MIS18A: variants seen among roughly 807,000 people sequenced by gnomAD.
MIS18A encodes MIS18 kinetochore protein A, also known as protein Mis18-alpha.
A neutral mutation model predicts 25.0 loss-of-function variants in MIS18A; 14 were observed. The observed-to-expected ratio is 0.56, with a 90% CI of 0.37 to 0.88. The LOEUF is 0.88. MIS18A is among the 40% of genes least tolerant of loss of function. MIS18A has a pLI of 0.00. For synonymous variants in MIS18A, 134 were observed against 118.6 expected (o/e 1.13, Z -0.84); for missense variants, 292 against 290.8 (o/e 1.00, Z -0.03).
the MIS18A span, among the ~76,000 whole-genome samples, chr21:32,221,504 C>T: frequency 1.3e-5 from 2 of 152,014 alleles, no homozygotes; most frequent in East Asian, 1.9e-4. Context: ...AAGGAAAAAC[C>T]GGTACCAGCC....
chr21:32,222,934 CAAAAAAAAA>C, the MIS18A span, among the ~76,000 whole-genome samples: 1 of 65,914 alleles, frequency 1.5e-5, no homozygotes, highest in Non-Finnish European at 3.4e-5. Context: ...GACTCCGTCT[CAAAAAAAAA>C]AAAAAAAAAA....
chr21:32,196,497 G>A, the MIS18A span, among the ~76,000 whole-genome samples: 1 of 136,930 alleles, frequency 7.3e-6, no homozygotes, highest in Non-Finnish European at 1.5e-5. Context: ...GTCTCTCTCT[G>A]TTGCCCAGGC....
chr21:32,222,758 G>A, the MIS18A span, among the ~76,000 whole-genome samples: 1 of 138,956 alleles, frequency 7.2e-6, no homozygotes, highest in Non-Finnish European at 1.6e-5. Flanking sequence ...GGTGAAACCT[G>A]TCTCTAATAA....
At chr21:32,263,270 G>GA (rs1268472218), downstream of MIS18A, among the ~76,000 whole-genome samples, 4 of 152,160 alleles carry the variant, frequency 2.6e-5, no homozygotes, top group African/African-American at 9.7e-5. Flanking sequence ...TTTTCTCCAG[G>GA]AGAGGTGGAG....
chr21:32,241,856 A>G, the MIS18A span, among the ~76,000 whole-genome samples: 2 of 151,868 alleles, frequency 1.3e-5, no homozygotes, highest in Admixed American at 1.3e-4. Context: ...ACAATTTCAT[A>G]CCAGAAAGGA....
chr21:32,272,563 C>T (rs549640656), intron 2 of MIS18A, among the ~76,000 whole-genome samples: 2 of 152,286 alleles, frequency 1.3e-5, no homozygotes, highest in African/African-American at 4.8e-5. Context: ...GTCTCATAGT[C>T]GCAAATCTTT....
the MIS18A span, among the ~76,000 whole-genome samples, chr21:32,154,920 G>T: frequency 6.6e-6 from 1 of 152,110 alleles, no homozygotes; most frequent in South Asian, 2.1e-4. Flanking sequence ...AAACCAAAAG[G>T]CAAAGTTGCA....
At chr21:32,230,841 C>T in the MIS18A span, among the ~76,000 whole-genome samples, 40 of 152,286 alleles carry the variant, frequency 2.6e-4, no homozygotes, top group Middle Eastern at 0.01. Context: ...TTAGATATTA[C>T]ATCAAAAGCA....
chr21:32,174,019 C>T, the MIS18A span, among the ~76,000 whole-genome samples: 2 of 128,338 alleles, frequency 1.6e-5, no homozygotes, highest in African/African-American at 6.0e-5. Flanking sequence ...GGCTGGAGTG[C>T]GGTGGCACGA....
intron 2 of MIS18A, among the ~76,000 whole-genome samples, chr21:32,273,865 G>A (rs532889465): frequency 6.6e-6 from 1 of 151,996 alleles, no homozygotes; most frequent in African/African-American, 2.4e-5. Flanking sequence ...TATTTCATAC[G>A]CAAGTGTAAG....
the MIS18A span, among the ~76,000 whole-genome samples, chr21:32,208,290 G>C: frequency 6.6e-6 from 1 of 152,186 alleles, no homozygotes; most frequent in African/African-American, 2.4e-5. Context: ...GGCCTGGTGG[G>C]AGGTGACTGG....
chr21:32,243,311 G>A, the MIS18A span, among the ~76,000 whole-genome samples: 1 of 152,044 alleles, frequency 6.6e-6, no homozygotes, highest in Non-Finnish European at 1.5e-5. Flanking sequence ...CAGACTGGGA[G>A]ATAATATTTT....
the MIS18A span, among the ~76,000 whole-genome samples, chr21:32,159,027 T>C: frequency 1.3e-5 from 2 of 152,214 alleles, no homozygotes; most frequent in Non-Finnish European, 2.9e-5. Flanking sequence ...TATCTTTAAC[T>C]TTTTTCATCT....
At chr21:32,219,203 A>G in the MIS18A span, among the ~76,000 whole-genome samples, 1 of 152,204 alleles carries the variant, frequency 6.6e-6, no homozygotes, top group Non-Finnish European at 1.5e-5. Context: ...CCGAATAGGA[A>G]CAGTTCCAGT....
At chr21:32,265,577 G>A (rs1370209716), downstream of MIS18A, among the ~76,000 whole-genome samples, 1 of 152,236 alleles carries the variant, frequency 6.6e-6, no homozygotes, top group African/African-American at 2.4e-5. Context: ...GCGGGGCAGG[G>A]CTCAGGACCT....
At chr21:32,221,892 GA>G in the MIS18A span, among the ~76,000 whole-genome samples, 1 of 148,618 alleles carries the variant, frequency 6.7e-6, no homozygotes, top group Admixed American at 6.7e-5. Context: ...CTCCAAAAAA[GA>G]AAAAAAAAGC....
chr21:32,250,523 G>T, the MIS18A span, among the ~76,000 whole-genome samples: 4 of 152,134 alleles, frequency 2.6e-5, no homozygotes, highest in Admixed American at 6.5e-5. Flanking sequence ...AATACTGGCT[G>T]TCCCCTACAG....
the MIS18A span, among the ~76,000 whole-genome samples, chr21:32,182,203 C>T: frequency 6.6e-6 from 1 of 152,174 alleles, no homozygotes; most frequent in Non-Finnish European, 1.5e-5. Flanking sequence ...ATTCCATGGT[C>T]ACCCTTGTGC....
chr21:32,250,138 C>A, the MIS18A span, among the ~76,000 whole-genome samples: 1 of 152,230 alleles, frequency 6.6e-6, no homozygotes, highest in East Asian at 1.9e-4. Flanking sequence ...TGTCACCAGC[C>A]CCCAACATCT....
Sources: gnomAD v4.1 joint callset for allele counts (sites outside exome capture counted in the v4.1 genomes callset) on GRCh38, gnomAD v4.1.1 for gene constraint, MANE v1.5 for transcripts, NCBI Gene and HGNC (gene_info 2026-07-23, HGNC 2026-07-21) for gene names.